The following MIA2 variants were observed in gnomAD, a reference collection of about 807,000 sequenced individuals.
MIA2 encodes the protein melanoma inhibitory activity protein 2.
A neutral mutation model predicts 167.8 loss-of-function variants in MIA2; 127 were observed. The observed-to-expected ratio is 0.76, with a 90% confidence interval of 0.66 to 0.88. The LOEUF (loss-of-function observed/expected upper bound fraction) is 0.88, where lower values mean the gene tolerates loss of function less well. MIA2 is among the 40% of genes least tolerant of loss of function. The pLI, the probability that MIA2 is intolerant of heterozygous loss-of-function variation, is 0.00. For missense variants in MIA2, 1,690 were observed against 1,624.7 expected, an observed-to-expected ratio of 1.04 and a Z score of -0.69; for synonymous variants, 552 against 541.9, an observed-to-expected ratio of 1.02 and a Z score of -0.26.
chr14:39,291,639 G>C (rs540334323), intron 10 of MIA2, among the ~76,000 whole-genome samples: 10 of 152,230 alleles, frequency 6.6e-5, no homozygotes, highest in Admixed American at 6.5e-4. Flanking sequence ...TGTAGCATTT[G>C]CTGAGTTCTG....
intron 23 of MIA2, among the ~76,000 whole-genome samples, chr14:39,377,399 GA>G (rs1241601433): frequency 2.0e-5 from 3 of 151,844 alleles, no homozygotes; most frequent in Non-Finnish European, 4.4e-5. Context: ...AGGGCTTTAA[GA>G]AAAGCAAAGC....
chr14:39,327,856 A>T (rs1349994921), intron 25 of MIA2, among the ~76,000 whole-genome samples: 1 of 152,092 alleles, frequency 6.6e-6, no homozygotes, highest in Non-Finnish European at 1.5e-5. Flanking sequence ...CATTTTCTTT[A>T]TGCAGTCTGA....
rs1375325524 is a variant in MIA2 at position 39,276,805 on chromosome 14, T to C, written c.1888-129T>C. Reference sequence around the variant, plus strand: ...TGAAAGTTGACAAAAAAATGTACTCTGATACTTTCTGTTTGGTGTTAGTCT... The same window carrying C: ...TGAAAGTTGACAAAAAAATGTACTCCGATACTTTCTGTTTGGTGTTAGTCT... On this transcript the variant is annotated intron_variant, in intron 6 of 28. Coordinates refer to ENST00000640607, the MANE Select transcript of MIA2 (RefSeq NM_001329214.4). 32 of 918,724 alleles carry C rather than the reference T, an allele frequency of 3.5e-5. No homozygotes were observed. The East Asian group carries it at 7.8e-4, about 22-fold the overall frequency. The allele number at this position is 918,724 out of a possible 1,614,324, so 56.9% of individuals were successfully genotyped here. A position where few individuals can be genotyped will look rare whatever the true frequency, so the allele number is the denominator to read the frequency against.
chr14:39,288,455 A>ATTTTTTTTTTTTTTT lies in MIA2; in HGVS notation c.2131-2563_2131-2562insTTTTTTTTTTTTTTT, dbSNP rs1566747448. On this transcript the variant is annotated intron_variant, in intron 9 of 28. Coordinates refer to ENST00000640607, the MANE Select transcript of MIA2 (RefSeq NM_001329214.4). ...TACATATATATATATATATATATAT[A>ATTTTTTTTTTTTTTT]TATATATATATATATATATATTTTT... Among the ~76,000 whole-genome samples, 2 of 15,784 alleles carry ATTTTTTTTTTTTTTT rather than the reference A, an allele frequency of 1.3e-4. 1 individual carries two copies. Among genetic ancestry groups the ATTTTTTTTTTTTTTT allele is most frequent in the African/African-American group, 3.2e-4 (2 of 6,216 alleles). The allele number at this position is 15,784 out of a possible 152,430, so 10.4% of individuals were successfully genotyped here. A position where few individuals can be genotyped will look rare whatever the true frequency, so the allele number is the denominator to read the frequency against.
intron 6 of MIA2, among the ~76,000 whole-genome samples, chr14:39,271,784 G>A (rs916261832): frequency 6.6e-6 from 1 of 151,876 alleles, no homozygotes; most frequent in Non-Finnish European, 1.5e-5. Flanking sequence ...CCTTAGCTCA[G>A]CTAGGTCCAA....
chr14:39,351,737 C>T (rs2074389957), downstream of MIA2, among the ~76,000 whole-genome samples: 1 of 152,138 alleles, frequency 6.6e-6, no homozygotes, highest in South Asian at 2.1e-4. Flanking sequence ...TCCCAAGTAG[C>T]TGGGACTACA....
At chr14:39,337,001 C>T (rs2153037660) in intron 25 of MIA2, among the ~76,000 whole-genome samples, 1 of 152,236 alleles carries the variant, frequency 6.6e-6, no homozygotes, top group East Asian at 1.9e-4. Flanking sequence ...GGTGGTCCTC[C>T]CTCCTCAGCC....
intron 25 of MIA2, among the ~76,000 whole-genome samples, chr14:39,337,080 T>G (rs1172559445): frequency 6.6e-6 from 1 of 152,186 alleles, no homozygotes; most frequent in Non-Finnish European, 1.5e-5. Context: ...TTAAAACTTG[T>G]TTCATTTCTT....
intron 10 of MIA2, chr14:39,292,658 T>A (rs1217733714): frequency 3.2e-6 from 1 of 315,396 alleles, no homozygotes; most frequent in Non-Finnish European, 6.1e-6. Flanking sequence ...TTGAATCTTT[T>A]GGTTTATTTT....
At chr14:39,363,332 C>T (rs1298295289) in intron 23 of MIA2, among the ~76,000 whole-genome samples, 1 of 152,146 alleles carries the variant, frequency 6.6e-6, no homozygotes, top group Admixed American at 6.5e-5. Flanking sequence ...GATTTCGAGA[C>T]CAGCCTGGCC....
chr14:39,292,504 A>G (rs886854635), intron 10 of MIA2, among the ~76,000 whole-genome samples: 4 of 152,230 alleles, frequency 2.6e-5, no homozygotes, highest in African/African-American at 4.8e-5. Context: ...GATAAAATCA[A>G]ACCAGTAGAG....
At chr14:39,259,914 C>T (rs965863270) in intron 6 of MIA2, among the ~76,000 whole-genome samples, 6 of 152,056 alleles carry the variant, frequency 3.9e-5, no homozygotes, top group South Asian at 2.1e-4. Context: ...TGTGTCCAAG[C>T]GTTCTCATTG....
At chr14:39,267,019 A>C in intron 6 of MIA2, 1 of 974,524 alleles carries the variant, frequency 1.0e-6, no homozygotes, top group Non-Finnish European at 1.2e-6. Flanking sequence ...CTCCACTACC[A>C]GGGCTGGGTG....
At chr14:39,347,042 G>A (rs917038074) in intron 26 of MIA2, 3 of 166,118 alleles carry the variant, frequency 1.8e-5, no homozygotes, top group African/African-American at 4.8e-5. Context: ...GAGAAACCCA[G>A]GAGGTTTCAC....
At chr14:39,282,773 A>G (rs924050925) in intron 9 of MIA2, among the ~76,000 whole-genome samples, 2 of 152,044 alleles carry the variant, frequency 1.3e-5, no homozygotes, top group South Asian at 2.1e-4. Context: ...GGGTCTCCCT[A>G]TGTTGCCAAG....
chr14:39,262,189 A>T (rs557447491), intron 6 of MIA2, among the ~76,000 whole-genome samples: 1 of 152,330 alleles, frequency 6.6e-6, no homozygotes, highest in East Asian at 1.9e-4. Context: ...GAAGGGATCC[A>T]GTTTCAGCTT....
chr14:39,288,458 TA>T (rs1566747668), intron 9 of MIA2, among the ~76,000 whole-genome samples: 174 of 16,004 alleles, frequency 0.011, 12 homozygotes, highest in Middle Eastern at 0.027. Flanking sequence ...TATATATATA[TA>T]TATATATATA....
At chr14:39,359,681 G>A (rs1205582694) in intron 23 of MIA2, among the ~76,000 whole-genome samples, 1 of 152,138 alleles carries the variant, frequency 6.6e-6, no homozygotes, top group African/African-American at 2.4e-5. Flanking sequence ...TTCCTATTTG[G>A]CTATCTTGCC....
At chr14:39,362,645 C>G (rs944501445) in intron 23 of MIA2, among the ~76,000 whole-genome samples, 1 of 151,986 alleles carries the variant, frequency 6.6e-6, no homozygotes. Flanking sequence ...TTTTGCTTCA[C>G]TAATCTTTGT....
Sources: allele counts gnomAD v4.1 joint callset (sites outside exome capture counted in the v4.1 genomes callset), GRCh38; gene constraint gnomAD v4.1.1; transcripts MANE v1.5; gene names NCBI Gene and HGNC (gene_info 2026-07-23, HGNC 2026-07-21).